TEX15: variants seen among roughly 807,000 people sequenced by gnomAD.
TEX15 encodes the protein testis expressed 15, meiosis and synapsis associated.
A neutral mutation model predicts 237.3 loss-of-function variants in TEX15; 171 were observed. The ratio of observed to expected loss-of-function variants is 0.72; its 90% CI spans 0.64 to 0.82. The LOEUF (loss-of-function observed/expected upper bound fraction) is 0.82, where lower values mean the gene tolerates loss of function less well. Among genes scored for constraint, TEX15 ranks in the 40% least tolerant of loss-of-function variants. The probability of loss-of-function intolerance (pLI) is 0.00; values close to 1 mark genes in which losing one functional copy is unlikely to be tolerated. For synonymous variants in TEX15, 1,338 were observed against 1,269.8 expected (o/e 1.05, Z -1.14); for missense variants, 3,750 against 3,646.5 (o/e 1.03, Z -0.73).
intron 1 of TEX15, among the ~76,000 whole-genome samples, chr8:30,911,306 T>C (rs1247476252): frequency 2.6e-5 from 4 of 152,068 alleles, no homozygotes; most frequent in African/African-American, 9.7e-5. Context: ...TTTTGTATTA[T>C]TACTACTACT....
At chr8:30,885,326 A>G (rs1215645465) in intron 3 of TEX15, among the ~76,000 whole-genome samples, 1 of 152,080 alleles carries the variant, frequency 6.6e-6, no homozygotes. Context: ...TGCTATTCTC[A>G]TGATAGTGAA....
In TEX15 at chr8:30,907,615, A is replaced by C. The variant is rs989638802; in HGVS notation, c.-86+5264T>G. Among the ~76,000 whole-genome samples the C allele has an allele frequency of 4.1e-5, 6 of 144,772 alleles. No individual in the cohort carries two copies. In the Admixed American group the frequency reaches 4.2e-4, roughly 10 times the overall value. 95.0% of individuals were successfully genotyped at this position (144,772 alleles called of 152,430 possible). The stretch of plus-strand genomic sequence containing the variant: ...ATTATATTTAATTATATAATTACAT[A>C]TAATTTATATATAAATTTTATATCT... On this transcript the variant is annotated intron_variant, in intron 1 of 10. Coordinates refer to ENST00000643185, the MANE Select transcript of TEX15 (RefSeq NM_001350162.2).
At position 30,843,378 on chromosome 8, in the gene TEX15, A is replaced by G. The variant is rs1185963147; in HGVS notation, c.6789T>C (p.Ser2263=). 6.2e-7 allele frequency: 1 copy of G among 1,612,958 alleles called. No homozygotes were observed. The highest frequency in any genetic ancestry group is 8.5e-7 in the Non-Finnish European group (1 of 1,179,686). The change falls in exon 8 of 11, where the codon TCT becomes TCC. Residue 2263 remains serine, a synonymous_variant. Transcript: ENST00000643185. ...AAAAGATATGTTCCAGACCATAAAG[A>G]GATATTTTAACACGTACTGCCTCGT... is the stretch of plus-strand genomic sequence containing the variant. ...KNNEAVRVKI[S]LYGLEHIFFD... is the part of the protein sequence containing the mutation.
chr8:30,865,676 T>C (rs1449139701), intron 5 of TEX15, among the ~76,000 whole-genome samples: 11 of 152,094 alleles, frequency 7.2e-5, no homozygotes, highest in Admixed American at 7.2e-4. Flanking sequence ...ATAGATCACA[T>C]CAAGAAAATC....
intron 7 of TEX15, among the ~76,000 whole-genome samples, chr8:30,850,545 C>T (rs1255932557): frequency 5.9e-5 from 9 of 152,032 alleles, no homozygotes; most frequent in Non-Finnish European, 1.2e-4. Flanking sequence ...AATTCTACTA[C>T]CATTTGTGAT....
intron 4 of TEX15, among the ~76,000 whole-genome samples, chr8:30,870,886 A>G (rs1376436634): frequency 6.6e-6 from 1 of 152,086 alleles, no homozygotes; most frequent in Admixed American, 6.6e-5. Context: ...TCAAGGTGTC[A>G]TCTGTCTGGA....
intron 4 of TEX15, among the ~76,000 whole-genome samples, chr8:30,872,033 G>T (rs981918275): frequency 6.6e-6 from 1 of 152,072 alleles, no homozygotes; most frequent in African/African-American, 2.4e-5. Context: ...AAATTCCAAA[G>T]GCTAGTAACT....
At chr8:30,851,867 G>A (rs563836282) in intron 7 of TEX15, among the ~76,000 whole-genome samples, 2 of 152,060 alleles carry the variant, frequency 1.3e-5, no homozygotes, top group East Asian at 1.9e-4. Flanking sequence ...CCAGGAGGCG[G>A]AAGTTGCAGT....
In TEX15 at chr8:30,831,641, C is replaced by T. The variant is rs1357199322; in HGVS notation, c.*1645G>A. The stretch of plus-strand genomic sequence containing the variant: ...GGTAAGTCTTTAAGAGAAATTAAAA[C>T]CCATGAAATAAAAATACCACAAAGA... On this transcript the variant is annotated 3_prime_UTR_variant, in exon 11 of 11. Transcript: ENST00000643185. 1 of 151,974 alleles carries T rather than the reference C, an allele frequency of 6.6e-6. No homozygotes were observed. Among genetic ancestry groups the T allele is most frequent in the Non-Finnish European group, 1.5e-5 (1 of 68,004 alleles). The allele number at this position is 151,974 out of a possible 1,614,324, so 9.4% of individuals were successfully genotyped here.
chr8:30,842,597 T>C lies in TEX15; in HGVS notation c.7570A>G (p.Ile2524Val), dbSNP rs1319741634. The change falls in exon 8 of 11, where the codon ATT becomes GTT. Residue 2524 changes from isoleucine (I) to valine (V), a missense_variant. By Grantham distance (29) the Ile-to-Val change is conservative. Coordinates refer to ENST00000643185, the MANE Select transcript of TEX15 (RefSeq NM_001350162.2). ...ACAGCTTCATTATATTTGCAGATAA[T>C]ATCCAGATCTTTCTTAAGTTCGGAA... ...AVSELKKDLD[I>V]ICKYNEAVNC... 1.2e-6 allele frequency: 2 copies of C among 1,611,046 alleles called. No individual in the cohort carries two copies.
At chr8:30,867,714 T>C (rs1808203870) in intron 4 of TEX15, among the ~76,000 whole-genome samples, 1 of 152,104 alleles carries the variant, frequency 6.6e-6, no homozygotes, top group African/African-American at 2.4e-5. Context: ...TCATCATTCC[T>C]GGTCTAAAAT....
chr8:30,833,279 A>G lies in TEX15; in HGVS notation c.*7T>C. On this transcript the variant is annotated 3_prime_UTR_variant, in exon 11 of 11. Transcript: ENST00000643185. ...TATGTCTTATTTCAATAGACAGAAG[A>G]CTATTTTCAGTGTCCTGGATGAAAG... 6.3e-7 allele frequency: 1 copy of G among 1,580,296 alleles called. No homozygotes were observed.
chr8:30,843,688 T>C lies in TEX15; in HGVS notation c.6479A>G (p.Lys2160Arg). The C allele has an allele frequency of 6.2e-7, 1 of 1,612,292 alleles. No individual in the cohort carries two copies. Among genetic ancestry groups the C allele is most frequent in the South Asian group, 1.1e-5 (1 of 90,760 alleles). Residue 2160 changes from lysine to arginine, a missense_variant, in exon 8 of 11, where the codon AAG (lysine) becomes AGG (arginine). Lys to Arg is a conservative substitution (Grantham distance 26). Transcript: ENST00000643185. The stretch of plus-strand genomic sequence containing the variant: ...CTTTAAGAATACATAGTATGAATTC[T>C]TTTCCCTTTTTGTTTCTTCAAGCAA... ...VELLEETKRE[K>R]NSYYVFLKYK...
chr8:30,853,166 G>A (rs1807825197), intron 7 of TEX15, among the ~76,000 whole-genome samples: 1 of 152,200 alleles, frequency 6.6e-6, no homozygotes, highest in South Asian at 2.1e-4. Context: ...GTAGAAGTAG[G>A]GAAAGGTCCC....
chr8:30,870,229 G>A (rs958868205), intron 4 of TEX15, among the ~76,000 whole-genome samples: 2 of 151,962 alleles, frequency 1.3e-5, no homozygotes, highest in African/African-American at 2.4e-5. Context: ...GAAGCTGAGT[G>A]GATGAAATAG....
At chr8:30,860,195 G>GA (rs1808015503) in intron 5 of TEX15, 138 bp from the exon 6 acceptor site, 3 of 702,114 alleles carry the variant, frequency 4.3e-6, no homozygotes, top group Non-Finnish European at 6.2e-6. Context: ...CCAGGCTGGA[G>GA]TTGCAGGCTC....
At chr8:30,869,682 A>G (rs1320723253) in intron 4 of TEX15, among the ~76,000 whole-genome samples, 2 of 152,028 alleles carry the variant, frequency 1.3e-5, no homozygotes, top group Admixed American at 6.6e-5. Context: ...ACTGCTTTAA[A>G]GCTAGCTTGG....
chr8:30,902,268 CAG>C (rs1809023929), intron 1 of TEX15, among the ~76,000 whole-genome samples: 1 of 150,254 alleles, frequency 6.7e-6, no homozygotes, highest in African/African-American at 2.5e-5. Flanking sequence ...CTCTTTTAGC[CAG>C]AGTCACTATT....
At chr8:30,893,985 T>C (rs77122509) in intron 2 of TEX15, among the ~76,000 whole-genome samples, 1 of 152,206 alleles carries the variant, frequency 6.6e-6, no homozygotes, top group African/African-American at 2.4e-5. Flanking sequence ...CTAAAAATCA[T>C]ATCATGTTTC....
Sources: allele counts gnomAD v4.1 joint callset (sites outside exome capture counted in the v4.1 genomes callset), GRCh38; gene constraint gnomAD v4.1.1; transcripts MANE v1.5; gene names NCBI Gene and HGNC (gene_info 2026-07-23, HGNC 2026-07-21).